TINAG: variants seen among roughly 807,000 people sequenced by gnomAD.
TINAG encodes tubulointerstitial nephritis antigen.
In TINAG, 83 loss-of-function variants were observed where a neutral mutation model predicts 72.7. The ratio of observed to expected loss-of-function variants is 1.14; its 90% confidence interval spans 0.96 to 1.37. TINAG has a LOEUF of 1.37. Among genes scored for constraint, TINAG ranks in the 40% most tolerant of loss-of-function variants. The pLI is 0.00. For missense variants in TINAG, 685 were observed against 576.6 expected, an observed-to-expected ratio of 1.19 and a Z score of -1.93; for synonymous variants, 234 against 189.9, an observed-to-expected ratio of 1.23 and a Z score of -1.91.
chr6:54,331,009 G>C (rs904741877), intron 4 of TINAG, among the ~76,000 whole-genome samples: 4 of 152,094 alleles, frequency 2.6e-5, no homozygotes, highest in African/African-American at 9.7e-5. Flanking sequence ...CGAATTCATA[G>C]CCAAATTATT....
rs70983415 is a variant in TINAG, at chr6:54,360,841, G to GTTTTTTTTTTTT, written c.1250+6225_1250+6236dup. Among the ~76,000 whole-genome samples, 15 of 26,254 alleles carry GTTTTTTTTTTTT rather than the reference G, an allele frequency of 5.7e-4. 5 individuals carry two copies. The highest frequency in any genetic ancestry group is 2.5e-3 in the East Asian group (2 of 806). The allele number at this position is 26,254 out of a possible 152,430, so 17.2% of individuals were successfully genotyped here. On this transcript the variant is annotated intron_variant, in intron 9 of 10. Transcript: ENST00000259782. Reference sequence around the variant, plus strand: ...GTTTCTTGTGTTTCACAGATACTGTGTTTTTTTTTTTTTTTTTTTTTTTTT... The same window carrying GTTTTTTTTTTTT: ...GTTTCTTGTGTTTCACAGATACTGTGTTTTTTTTTTTTTTTTTTTTTTTTTTTTTTTTTTTTT...
At chr6:54,388,398 C>T (rs9370292) in intron 10 of TINAG, among the ~76,000 whole-genome samples, 1 of 151,882 alleles carries the variant, frequency 6.6e-6, no homozygotes, top group African/African-American at 2.4e-5. Context: ...AGGAGGCAAA[C>T]AGCCAAATCT....
At chr6:54,380,491 A>G in intron 9 of TINAG, 35 bp from the exon 10 acceptor site, 1 of 1,578,732 alleles carries the variant, frequency 6.3e-7, no homozygotes, top group Non-Finnish European at 8.7e-7. Context: ...AAACATTTTA[A>G]CCATACCAAT....
At chr6:54,360,388 A>G (rs1189985509) in intron 9 of TINAG, among the ~76,000 whole-genome samples, 3 of 151,730 alleles carry the variant, frequency 2.0e-5, no homozygotes, top group African/African-American at 7.2e-5. Context: ...GATTAAACTA[A>G]GAAACTCCAT....
intron 9 of TINAG, among the ~76,000 whole-genome samples, chr6:54,361,030 G>T (rs1391445134): frequency 6.7e-6 from 1 of 150,266 alleles, no homozygotes; most frequent in Non-Finnish European, 1.5e-5. Flanking sequence ...ACCTGTGATT[G>T]GTGATTTTTG....
intron 3 of TINAG, among the ~76,000 whole-genome samples, chr6:54,324,842 G>T (rs2150939344): frequency 6.6e-6 from 1 of 152,260 alleles, no homozygotes; most frequent in East Asian, 1.9e-4. Flanking sequence ...GAAATTACCT[G>T]ACTTGTTTCT....
intron 10 of TINAG, among the ~76,000 whole-genome samples, chr6:54,382,410 G>A (rs1383468794): frequency 6.6e-6 from 1 of 151,976 alleles, no homozygotes; most frequent in Non-Finnish European, 1.5e-5. Flanking sequence ...CATTGAATGA[G>A]CAAATGAATA....
chr6:54,380,616 G>T (rs759650288), intron 10 of TINAG, 45 bp downstream of exon 10: 19 of 1,503,174 alleles, frequency 1.3e-5, no homozygotes, highest in Admixed American at 1.7e-5. Context: ...AAGTGAATAT[G>T]TTCAAATCTT....
At chr6:54,322,603 G>A (rs1784518253) in intron 3 of TINAG, among the ~76,000 whole-genome samples, 2 of 152,122 alleles carry the variant, frequency 1.3e-5, no homozygotes. Context: ...CATATAACAT[G>A]TTGTTTCCCA....
chr6:54,346,642 T>A (rs957174911), intron 5 of TINAG, among the ~76,000 whole-genome samples: 1 of 151,736 alleles, frequency 6.6e-6, no homozygotes, highest in African/African-American at 2.4e-5. Context: ...TAATTGTAAC[T>A]AAACAAATAT....
intron 1 of TINAG, among the ~76,000 whole-genome samples, chr6:54,310,754 CTTTT>C (rs147216362): frequency 1.2e-4 from 17 of 138,806 alleles, no homozygotes; most frequent in Non-Finnish European, 2.3e-4. Context: ...TCTTCTCTTT[CTTTT>C]TTCTCTCTCT....
intron 6 of TINAG, among the ~76,000 whole-genome samples, chr6:54,349,153 A>G (rs1785200501): frequency 6.6e-6 from 1 of 151,788 alleles, no homozygotes; most frequent in Non-Finnish European, 1.5e-5. Context: ...TATTATATTA[A>G]TATTATACTA....
At chr6:54,325,398 T>C (rs573236252) in intron 3 of TINAG, among the ~76,000 whole-genome samples, 1 of 152,168 alleles carries the variant, frequency 6.6e-6, no homozygotes, top group African/African-American at 2.4e-5. Context: ...ATGAAACTTA[T>C]GAGTCCAGGT....
At chr6:54,319,655 G>A (rs189575010) in intron 1 of TINAG, among the ~76,000 whole-genome samples, 86 of 152,132 alleles carry the variant, frequency 5.7e-4, no homozygotes, top group African/African-American at 1.9e-3. Context: ...GTAACATTAT[G>A]GCTAGAAGTT....
At chr6:54,362,436 A>G (rs905540834) in intron 9 of TINAG, among the ~76,000 whole-genome samples, 2 of 151,660 alleles carry the variant, frequency 1.3e-5, no homozygotes, top group African/African-American at 4.8e-5. Flanking sequence ...AACATGGTTC[A>G]TTGAATATTG....
At chr6:54,368,778 A>AT (rs917024253) in intron 9 of TINAG, among the ~76,000 whole-genome samples, 1 of 151,776 alleles carries the variant, frequency 6.6e-6, no homozygotes, top group Admixed American at 6.6e-5. Flanking sequence ...CTTAAATTGA[A>AT]TTTTTTTAAC....
At chr6:54,382,158 T>G (rs1341490432) in intron 10 of TINAG, among the ~76,000 whole-genome samples, 2 of 152,128 alleles carry the variant, frequency 1.3e-5, no homozygotes. Context: ...AAGAAAATTT[T>G]ATTTCATGAG....
chr6:54,370,689 G>T (rs1763575844), intron 9 of TINAG, among the ~76,000 whole-genome samples: 2 of 152,086 alleles, frequency 1.3e-5, no homozygotes, highest in Admixed American at 1.3e-4. Context: ...CCACAGGACT[G>T]TTGGGATCTT....
rs377239763 is a variant in TINAG at position 54,308,829 on chromosome 6, T to C, written c.279T>C (p.Asp93=). Residue 93 remains aspartate (D), a synonymous_variant, in exon 1 of 11, where the codon GAT becomes GAC. Transcript: ENST00000259782. ...AATTCTGTGACAGAGAAAATTCTGA[T>C]TGCTGTCCTGACTACAAGTCCTTTT... ...CDKFCDRENS[D]CCPDYKSFCR... The C allele has an allele frequency of 6.2e-7, 1 of 1,613,878 alleles. No individual in the cohort carries two copies. The highest frequency in any genetic ancestry group is 8.5e-7 in the Non-Finnish European group (1 of 1,179,886).
Sources: gnomAD v4.1 joint callset for allele counts (sites outside exome capture counted in the v4.1 genomes callset) on GRCh38, gnomAD v4.1.1 for gene constraint, MANE v1.5 for transcripts, NCBI Gene and HGNC (gene_info 2026-07-23, HGNC 2026-07-21) for gene names.